RNF217: variants seen among roughly 807,000 people sequenced by gnomAD.
The protein encoded by RNF217 is ring finger protein 217, also known as E3 ubiquitin-protein ligase RNF217.
Under a neutral mutation model 57.8 loss-of-function variants are expected in RNF217, and 31 were observed. The observed-to-expected ratio is 0.54, with a 90% CI of 0.40 to 0.72. RNF217 has a LOEUF of 0.72. Among genes scored for constraint, RNF217 ranks in the 30% least tolerant of loss-of-function variants. RNF217 has a pLI of 0.00. For missense variants in RNF217, 696 were observed against 708.3 expected, an observed-to-expected ratio of 0.98 and a Z score of 0.20; for synonymous variants, 313 against 294.0, an observed-to-expected ratio of 1.06 and a Z score of -0.66.
intron 1 of RNF217, among the ~76,000 whole-genome samples, chr6:125,016,059 A>G (rs1246813023): frequency 6.6e-6 from 1 of 152,190 alleles, no homozygotes; most frequent in Non-Finnish European, 1.5e-5. Flanking sequence ...GAATCTAATG[A>G]CACTGGATAC....
intron 1 of RNF217, among the ~76,000 whole-genome samples, chr6:125,014,691 A>G (rs1785540556): frequency 6.6e-6 from 1 of 152,234 alleles, no homozygotes; most frequent in African/African-American, 2.4e-5. Flanking sequence ...ACATTCTGAT[A>G]GTATGAAAAC....
intron 3 of RNF217, among the ~76,000 whole-genome samples, chr6:125,061,653 G>A (rs1266186702): frequency 6.7e-6 from 1 of 150,294 alleles, no homozygotes; most frequent in Non-Finnish European, 1.5e-5. Flanking sequence ...TAATTGATTT[G>A]CATATGTATT....
In RNF217 at chr6:124,963,013, C is replaced by G; in HGVS notation, c.469C>G (p.Leu157Val). Residue 157 changes from leucine to valine, a missense_variant, in exon 1 of 6, where the codon CTC becomes GTC. Transcript: ENST00000521654. ...LDVLGQRRPS[L>V]AKRQVFCSVY... Reference sequence around the variant, plus strand: ...CGTGCTGGGTCAGCGGCGCCCGTCCCTCGCCAAGAGACAAGTCTTCTGCTC... The same window carrying G: ...CGTGCTGGGTCAGCGGCGCCCGTCCGTCGCCAAGAGACAAGTCTTCTGCTC... 1 of 1,595,082 alleles carries G rather than the reference C, an allele frequency of 6.3e-7. No individual in the cohort carries two copies. The highest frequency in any genetic ancestry group is 8.5e-7 in the Non-Finnish European group (1 of 1,178,424).
chr6:124,967,339 A>G (rs1358811385), intron 1 of RNF217, among the ~76,000 whole-genome samples: 1 of 152,182 alleles, frequency 6.6e-6, no homozygotes, highest in African/African-American at 2.4e-5. Context: ...TCTTTGTTTC[A>G]CAGAATGGTA....
intron 1 of RNF217, among the ~76,000 whole-genome samples, chr6:124,976,192 A>G (rs971689264): frequency 1.3e-5 from 2 of 152,072 alleles, no homozygotes; most frequent in South Asian, 4.2e-4. Context: ...TTACAAATCT[A>G]AGCCTAGTCA....
chr6:125,008,083 C>T (rs1243995652), intron 1 of RNF217, among the ~76,000 whole-genome samples: 3 of 151,876 alleles, frequency 2.0e-5, no homozygotes, highest in Non-Finnish European at 2.9e-5. Context: ...GGTGAAACCC[C>T]GTCTCTACTA....
chr6:124,977,246 C>A (rs1270361074), intron 1 of RNF217, among the ~76,000 whole-genome samples: 1 of 152,162 alleles, frequency 6.6e-6, no homozygotes, highest in Admixed American at 6.5e-5. Context: ...CAGCCACAAC[C>A]TTTGCATACT....
intron 1 of RNF217, chr6:125,009,480 A>T: frequency 2.1e-6 from 1 of 475,566 alleles, no homozygotes; most frequent in South Asian, 4.8e-5. Context: ...GCAGAAAAAA[A>T]AAAGAAAAAC....
At chr6:125,002,293 C>T (rs1247019157) in intron 1 of RNF217, among the ~76,000 whole-genome samples, 1 of 152,102 alleles carries the variant, frequency 6.6e-6, no homozygotes, top group African/African-American at 2.4e-5. Context: ...ACAATGTGCC[C>T]ATTCGTGGAT....
intron 1 of RNF217, among the ~76,000 whole-genome samples, chr6:124,996,419 A>G (rs1333084268): frequency 6.6e-6 from 1 of 151,832 alleles, no homozygotes; most frequent in Non-Finnish European, 1.5e-5. Flanking sequence ...TAGGAGTTCT[A>G]TTTTTTATAC....
chr6:125,058,132 A>C lies in RNF217; in HGVS notation c.1281+26A>C, dbSNP rs1004098917. 3.1e-6 allele frequency: 5 copies of C among 1,593,322 alleles called. No individual in the cohort carries two copies. In the African/African-American group the frequency reaches 6.7e-5, roughly 21 times the overall value. On this transcript the variant is annotated intron_variant, in intron 3 of 5. Coordinates refer to ENST00000521654, the MANE Select transcript of RNF217 (RefSeq NM_001286398.3). The stretch of plus-strand genomic sequence containing the variant: ...GTGAGATAACTTTTAGGAGGAAAAG[A>C]AAAAACATGTACATCTGGATGTGAC...
At chr6:125,053,472 T>C (rs1787404897) in intron 2 of RNF217, among the ~76,000 whole-genome samples, 1 of 152,160 alleles carries the variant, frequency 6.6e-6, no homozygotes, top group African/African-American at 2.4e-5. Context: ...TTTGCAGTGC[T>C]ACTTTACACA....
chr6:124,997,503 C>T (rs959853945), intron 1 of RNF217, among the ~76,000 whole-genome samples: 4 of 152,202 alleles, frequency 2.6e-5, no homozygotes, highest in East Asian at 1.9e-4. Flanking sequence ...TAGGCAAATC[C>T]GAAAAATGTT....
chr6:125,039,923 A>G (rs1470337616), intron 1 of RNF217, among the ~76,000 whole-genome samples: 1 of 152,198 alleles, frequency 6.6e-6, no homozygotes, highest in Non-Finnish European at 1.5e-5. Context: ...ACAACATACC[A>G]GAATCTCTGG....
rs1449923604 is a variant in RNF217, at chr6:125,083,853, T to G, written c.*916T>G. The stretch of plus-strand genomic sequence containing the variant: ...AAAACTGGCTGCTTTTAGGAAATTC[T>G]CAAGACACAAATATTCAGTCTTTTT... On this transcript the variant is annotated 3_prime_UTR_variant, in exon 6 of 6. Coordinates refer to ENST00000521654, the MANE Select transcript of RNF217 (RefSeq NM_001286398.3). The G allele has an allele frequency of 6.6e-6, 1 of 152,126 alleles. No individual in the cohort carries two copies. The highest frequency in any genetic ancestry group is 2.4e-5 in the African/African-American group (1 of 41,450). 9.4% of individuals were successfully genotyped at this position (152,126 alleles called of 1,614,324 possible).
intron 1 of RNF217, among the ~76,000 whole-genome samples, chr6:125,039,639 A>G (rs1005145885): frequency 6.6e-6 from 1 of 152,204 alleles, no homozygotes; most frequent in Non-Finnish European, 1.5e-5. Flanking sequence ...AATTAACAGA[A>G]TATACGTTTG....
At chr6:124,994,716 G>GTT in intron 1 of RNF217, among the ~76,000 whole-genome samples, 1 of 152,276 alleles carries the variant, frequency 6.6e-6, no homozygotes, top group Middle Eastern at 3.4e-3. Flanking sequence ...TTTTGTGCTA[G>GTT]TAAGTGCTAC....
intron 2 of RNF217, among the ~76,000 whole-genome samples, chr6:125,052,514 C>T (rs2114565829): frequency 6.6e-6 from 1 of 152,022 alleles, no homozygotes; most frequent in Admixed American, 6.6e-5. Flanking sequence ...CTGGCATTTC[C>T]ATGCAGGGAA....
chr6:125,004,927 A>T (rs2114310252), intron 1 of RNF217, among the ~76,000 whole-genome samples: 1 of 152,292 alleles, frequency 6.6e-6, no homozygotes, highest in East Asian at 1.9e-4. Context: ...TAAAGAAAAG[A>T]GATTGATTTG....
Sources: gnomAD v4.1 joint callset for allele counts (sites outside exome capture counted in the v4.1 genomes callset) on GRCh38, gnomAD v4.1.1 for gene constraint, MANE v1.5 for transcripts, NCBI Gene and HGNC (gene_info 2026-07-23, HGNC 2026-07-21) for gene names.